Variants in TG observed in about 807,000 individuals in gnomAD.
The protein encoded by TG is thyroid hormones.
Under a neutral mutation model 324.7 loss-of-function variants are expected in TG, and 270 were observed. That is an observed-to-expected ratio of 0.83 (90% CI 0.75 to 0.92). TG has a LOEUF of 0.92. Among genes scored for constraint, TG ranks in the 40% least tolerant of loss-of-function variants. The pLI is 0.00. For synonymous variants in TG, 1,401 were observed against 1,327.0 expected, an observed-to-expected ratio of 1.06 and a Z score of -1.21; for missense variants, 3,591 against 3,456.4, an observed-to-expected ratio of 1.04 and a Z score of -0.98.
chr8:133,018,358 G>T (rs1835250935), intron 38 of TG, among the ~76,000 whole-genome samples: 1 of 152,124 alleles, frequency 6.6e-6, no homozygotes, highest in Admixed American at 6.5e-5. Flanking sequence ...GACAGGAGAG[G>T]TTCCCATAGA....
intron 36 of TG, 125 bp from the exon 37 acceptor site, chr8:133,013,475 T>C: frequency 8.4e-7 from 1 of 1,183,962 alleles, no homozygotes; most frequent in Non-Finnish European, 1.2e-6. Context: ...GGATGCATGA[T>C]TGGATAGAAG....
intron 41 of TG, among the ~76,000 whole-genome samples, chr8:133,062,468 A>G (rs1842503781): frequency 6.6e-6 from 1 of 152,248 alleles, no homozygotes; most frequent in African/African-American, 2.4e-5. Context: ...CTTCCTGGGC[A>G]TCTCCCCGGT....
At chr8:133,041,626 C>G (rs1415355992) in intron 41 of TG, among the ~76,000 whole-genome samples, 4 of 152,150 alleles carry the variant, frequency 2.6e-5, no homozygotes, top group Non-Finnish European at 5.9e-5. Context: ...AGGGGACACT[C>G]CGTGAGTGTC....
chr8:133,045,730 G>T (rs1263488799), intron 41 of TG, among the ~76,000 whole-genome samples: 1 of 152,048 alleles, frequency 6.6e-6, no homozygotes, highest in Non-Finnish European at 1.5e-5. Context: ...ACACATTTGG[G>T]GTGCTTCCAC....
rs867035708 is a variant in TG at position 132,887,987 on chromosome 8, C to T, written c.2180C>T (p.Pro727Leu). ...CCTGCTCATTGTTCCTCCCCAGGCC[C>T]CACGCCCTGTCAATTACAGTCTGAG... is the stretch of plus-strand genomic sequence containing the variant. Reference protein sequence around the residue: ...RSAIGKPKKCPTPCQLQSEQA... With the variant: ...RSAIGKPKKCLTPCQLQSEQA... The change falls in exon 10 of 48, where the codon CCC (proline) becomes CTC (leucine). Residue 727 changes from proline (P) to leucine (L), a missense_variant. Pro to Leu is a moderately conservative substitution (Grantham distance 98). Transcript: ENST00000220616. 3.1e-6 allele frequency: 5 copies of T among 1,613,360 alleles called. No homozygotes were observed. Among genetic ancestry groups the T allele is most frequent in the African/African-American group, 1.3e-5 (1 of 75,018 alleles).
At chr8:132,940,877 T>C (rs945527058) in intron 25 of TG, among the ~76,000 whole-genome samples, 6 of 152,208 alleles carry the variant, frequency 3.9e-5, no homozygotes, top group Non-Finnish European at 7.3e-5. Flanking sequence ...GTGCAAGCAA[T>C]GTGACTTCAG....
At chr8:133,050,893 G>C in intron 41 of TG, 1 of 1,613,294 alleles carries the variant, frequency 6.2e-7, no homozygotes, top group Non-Finnish European at 8.5e-7. Flanking sequence ...CACTTAGCAC[G>C]GCAAGGAAGT....
chr8:132,906,900 C>T lies in TG; in HGVS notation c.3847C>T (p.Arg1283Trp), dbSNP rs138431235. Reference sequence around the variant, plus strand: ...GCTGCCTCAGCCCCGGGCCTGCCAACGTGAGTGGCATCAGAGCATCTATCC... The same window carrying T: ...GCTGCCTCAGCCCCGGGCCTGCCAATGTGAGTGGCATCAGAGCATCTATCC... ...SQLPQPRACQRPQLWQTIQTQ... is the reference protein window; with the variant it reads ...SQLPQPRACQWPQLWQTIQTQ... Residue 1283 changes from arginine to tryptophan, a missense_variant and splice_region_variant, in exon 17 of 48, where the codon CGG becomes TGG. Transcript: ENST00000220616. 102 of 1,610,052 alleles carry T rather than the reference C, an allele frequency of 6.3e-5. 1 individual carries two copies. In the African/African-American group the frequency reaches 1.1e-3, roughly 17 times the overall value.
chr8:132,911,127 T>A (rs1347620960), intron 18 of TG, among the ~76,000 whole-genome samples: 1 of 152,224 alleles, frequency 6.6e-6, no homozygotes, highest in African/African-American at 2.4e-5. Context: ...GGGCTTTTGA[T>A]GCATGGAGCC....
intron 25 of TG, among the ~76,000 whole-genome samples, chr8:132,940,425 T>C (rs1336011688): frequency 6.6e-6 from 1 of 152,240 alleles, no homozygotes; most frequent in African/African-American, 2.4e-5. Context: ...ACAGGGCTGA[T>C]TTGAAAACTA....
intron 34 of TG, among the ~76,000 whole-genome samples, chr8:132,980,950 A>C (rs1830762522): frequency 6.6e-6 from 1 of 152,208 alleles, no homozygotes; most frequent in Non-Finnish European, 1.5e-5. Flanking sequence ...TGCATGCCAA[A>C]TGCTAGCCTA....
At chr8:132,969,315 G>C (rs1161919444) in intron 31 of TG, 143 bp from the exon 32 acceptor site, 6 of 662,250 alleles carry the variant, frequency 9.1e-6, no homozygotes, top group Admixed American at 2.5e-5. Flanking sequence ...AGTGAGATTT[G>C]AGTTAGGAAA....
intron 41 of TG, among the ~76,000 whole-genome samples, chr8:133,086,964 C>G (rs1846659654): frequency 6.6e-6 from 1 of 152,016 alleles, no homozygotes; most frequent in Non-Finnish European, 1.5e-5. Flanking sequence ...TGAAAACAAT[C>G]TTGTAAATAA....
chr8:133,025,373 A>G (rs1835977794), intron 40 of TG, among the ~76,000 whole-genome samples: 1 of 152,202 alleles, frequency 6.6e-6, no homozygotes, highest in Non-Finnish European at 1.5e-5. Context: ...AGCCTGCGAC[A>G]CTGGTGCAAC....
intron 25 of TG, among the ~76,000 whole-genome samples, chr8:132,938,411 C>A (rs148924449): frequency 2.0e-5 from 3 of 152,240 alleles, no homozygotes; most frequent in East Asian, 3.9e-4. Context: ...TCTAGCCCAA[C>A]CCCTCATCTC....
rs58129311 is a variant in TG at position 133,096,181 on chromosome 8, C to G, written c.7405-25C>G. On this transcript the variant is annotated intron_variant, in intron 42 of 47. Transcript: ENST00000220616. ...AGTGCAACTGATTATTCCAGGACAA[C>G]TGATTATTGTTGCATCCAATGCAGC... 0.013 allele frequency: 21,002 copies of G among 1,613,892 alleles called. 2,145 individuals are homozygous for G. The African/African-American group carries it at 0.23, about 18-fold the overall frequency.
intron 20 of TG, among the ~76,000 whole-genome samples, chr8:132,914,362 T>C (rs1006070432): frequency 2.0e-5 from 3 of 152,224 alleles, no homozygotes; most frequent in Non-Finnish European, 4.4e-5. Flanking sequence ...TTCTCAGTTA[T>C]TTTTTTCAAT....
intron 27 of TG, among the ~76,000 whole-genome samples, chr8:132,958,772 A>G (rs1196713001): frequency 1.3e-5 from 2 of 152,210 alleles, no homozygotes; most frequent in African/African-American, 2.4e-5. Flanking sequence ...AAAACCCCAT[A>G]GCCTGAGCTT....
chr8:133,035,319 T>G (rs189861719), intron 41 of TG, among the ~76,000 whole-genome samples: 41 of 152,328 alleles, frequency 2.7e-4, no homozygotes, highest in African/African-American at 9.6e-4. Context: ...AATTTTTAAA[T>G]TTTTATTCAT....
Sources: gnomAD v4.1 joint callset for allele counts (sites outside exome capture counted in the v4.1 genomes callset) on GRCh38, gnomAD v4.1.1 for gene constraint, MANE v1.5 for transcripts, NCBI Gene and HGNC (gene_info 2026-07-23, HGNC 2026-07-21) for gene names.